AMMECR1: variants seen among roughly 807,000 people sequenced by gnomAD.
The protein encoded by AMMECR1 is AMMECR nuclear protein 1.
Under a neutral mutation model 22.5 loss-of-function variants are expected in AMMECR1, and 3 were observed. The ratio of observed to expected loss-of-function variants is 0.13; its 90% CI spans 0.06 to 0.35. The LOEUF (loss-of-function observed/expected upper bound fraction) is 0.35, where lower values mean the gene tolerates loss of function less well. Ranked by LOEUF, AMMECR1 falls within the 10% of genes least tolerant of loss-of-function variation. The probability of loss-of-function intolerance (pLI) is 1.00; values close to 1 mark genes in which losing one functional copy is unlikely to be tolerated. For synonymous variants in AMMECR1, 130 were observed against 116.7 expected (o/e 1.11, Z -0.74); for missense variants, 235 against 278.7 (o/e 0.84, Z 1.12).
chrX:110,341,992 G>C (rs1485014505), intron 2 of AMMECR1, among the ~76,000 whole-genome samples: 2 of 110,835 alleles, frequency 1.8e-5, no homozygotes, highest in African/African-American at 3.3e-5. Flanking sequence ...CTGGGAGGTC[G>C]AGGCTGCAGT....
intron 1 of AMMECR1, among the ~76,000 whole-genome samples, chrX:110,298,992 T>A (rs1035332563): frequency 3.6e-5 from 4 of 112,182 alleles, no homozygotes; most frequent in African/African-American, 1.3e-4. Flanking sequence ...TTTCATTTAA[T>A]TATTTTATTT....
chrX:110,242,269 A>G (rs1447365823), intron 2 of AMMECR1, among the ~76,000 whole-genome samples: 1 of 111,979 alleles, frequency 8.9e-6, no homozygotes, highest in African/African-American at 3.2e-5. Flanking sequence ...TCTTGTTTCT[A>G]TAGAAACCTT....
chrX:110,285,539 C>T (rs1353990346), intron 1 of AMMECR1, among the ~76,000 whole-genome samples: 1 of 111,930 alleles, frequency 8.9e-6, no homozygotes, highest in African/African-American at 3.3e-5. Flanking sequence ...CTGGTATGTA[C>T]ACAACTAATA....
At chrX:110,375,450 C>T (rs933126773) in intron 2 of AMMECR1, among the ~76,000 whole-genome samples, 1 of 111,716 alleles carries the variant, frequency 9.0e-6, no homozygotes, top group African/African-American at 3.3e-5. Context: ...AGGGTGGTAA[C>T]CAGATCTGCC....
At chrX:110,295,234 A>T (rs1351524462) in intron 1 of AMMECR1, among the ~76,000 whole-genome samples, 3 of 111,556 alleles carry the variant, frequency 2.7e-5, no homozygotes, top group Non-Finnish European at 5.7e-5. Context: ...AGAGACTTTT[A>T]AACTGTCTTC....
intron 2 of AMMECR1, among the ~76,000 whole-genome samples, chrX:110,226,681 A>G (rs2067535424): frequency 8.9e-6 from 1 of 111,846 alleles, no homozygotes; most frequent in Non-Finnish European, 1.9e-5. Flanking sequence ...CCTGCCTCTA[A>G]ATCCCATTCT....
At chrX:110,344,878 T>C (rs1214802279) in intron 2 of AMMECR1, among the ~76,000 whole-genome samples, 8 of 111,949 alleles carry the variant, frequency 7.1e-5, no homozygotes, top group South Asian at 7.5e-4. Flanking sequence ...GAAATAGGAA[T>C]GCTTTTACAC....
At chrX:110,407,813 A>G (rs181869494) in intron 2 of AMMECR1, among the ~76,000 whole-genome samples, 1 of 112,708 alleles carries the variant, frequency 8.9e-6, no homozygotes, top group East Asian at 2.8e-4. Context: ...TTCTATTTGC[A>G]GAAGATAATT....
At chrX:110,434,698 G>T (rs976009653) in intron 1 of AMMECR1, among the ~76,000 whole-genome samples, 4 of 111,402 alleles carry the variant, frequency 3.6e-5, no homozygotes, top group African/African-American at 1.3e-4. Context: ...GGTTTGGAGT[G>T]CTGGATAGCG....
At chrX:110,370,500 C>T (rs780945525) in intron 2 of AMMECR1, among the ~76,000 whole-genome samples, 5 of 112,635 alleles carry the variant, frequency 4.4e-5, no homozygotes, top group African/African-American at 1.6e-4. Context: ...TGAGCCACTG[C>T]GCCCGGCCTA....
intron 1 of AMMECR1, among the ~76,000 whole-genome samples, chrX:110,272,739 C>T (rs1469138679): frequency 1.8e-5 from 2 of 111,884 alleles, no homozygotes; most frequent in African/African-American, 6.5e-5. Context: ...CACTGTTTAG[C>T]TCCCATTTAC....
intron 2 of AMMECR1, among the ~76,000 whole-genome samples, chrX:110,325,160 T>C (rs2068093280): frequency 8.9e-6 from 1 of 111,934 alleles, no homozygotes; most frequent in African/African-American, 3.2e-5. Context: ...CATTTATTTT[T>C]TTAGTTTGAA....
intron 2 of AMMECR1, among the ~76,000 whole-genome samples, chrX:110,370,600 C>G (rs1435347021): frequency 2.7e-5 from 3 of 112,339 alleles, no homozygotes; most frequent in Admixed American, 1.9e-4. Flanking sequence ...ACTTAATTTT[C>G]TTAACTTTTC....
intron 2 of AMMECR1, among the ~76,000 whole-genome samples, chrX:110,255,277 C>T (rs1175901958): frequency 3.6e-5 from 4 of 111,582 alleles, no homozygotes; most frequent in Non-Finnish European, 5.6e-5. Context: ...CTGTAATCAA[C>T]GCCTGGGATC....
intron 2 of AMMECR1, among the ~76,000 whole-genome samples, chrX:110,402,537 A>G (rs771505894): frequency 8.9e-6 from 1 of 112,578 alleles, no homozygotes; most frequent in Non-Finnish European, 1.9e-5. Flanking sequence ...CAGCTGACTG[A>G]GAGCTGTGTC....
chrX:110,278,057 G>A (rs1210483470), intron 1 of AMMECR1, among the ~76,000 whole-genome samples: 2 of 111,268 alleles, frequency 1.8e-5, no homozygotes, highest in Non-Finnish European at 3.8e-5. Flanking sequence ...CAATCTTACA[G>A]CACAGCTATT....
At chrX:110,284,760 G>T (rs1219903017) in intron 1 of AMMECR1, among the ~76,000 whole-genome samples, 5 of 111,779 alleles carry the variant, frequency 4.5e-5, no homozygotes, top group Non-Finnish European at 9.4e-5. Flanking sequence ...CAATCTTAAA[G>T]GAACTATTCA....
intron 1 of AMMECR1, among the ~76,000 whole-genome samples, chrX:110,434,081 C>A (rs2068818532): frequency 9.0e-6 from 1 of 111,308 alleles, no homozygotes; most frequent in South Asian, 3.8e-4. Context: ...TGAGGGATGG[C>A]AGGTTATGTC....
intron 1 of AMMECR1, among the ~76,000 whole-genome samples, chrX:110,316,016 T>C (rs1213390686): frequency 8.9e-6 from 1 of 112,572 alleles, no homozygotes; most frequent in African/African-American, 3.2e-5. Flanking sequence ...CTTCTAGAAT[T>C]AACACTATGA....
Sources: allele counts gnomAD v4.1 joint callset (sites outside exome capture counted in the v4.1 genomes callset), GRCh38; gene constraint gnomAD v4.1.1; transcripts MANE v1.5; gene names NCBI Gene and HGNC (gene_info 2026-07-23, HGNC 2026-07-21).